TENM2: variants seen among roughly 807,000 people sequenced by gnomAD.
TENM2 encodes teneurin transmembrane protein 2.
TENM2 carries 52 observed loss-of-function variants against 245.2 expected under a neutral mutation model. That is an observed-to-expected ratio of 0.21 (90% CI 0.17 to 0.27). The LOEUF is 0.27. Among genes scored for constraint, TENM2 ranks in the 10% least tolerant of loss-of-function variants. TENM2 has a pLI of 1.00. For missense variants in TENM2, 3,046 were observed against 3,666.8 expected (o/e 0.83, Z 4.37); for synonymous variants, 1,363 against 1,438.9 (o/e 0.95, Z 1.19).
At chr5:167,053,243 T>C in the TENM2 span, among the ~76,000 whole-genome samples, 1 of 152,342 alleles carries the variant, frequency 6.6e-6, no homozygotes. Context: ...ACTTATTACA[T>C]GGAGACTTAC....
rs558268732 is a variant in TENM2 at position 167,498,274 on chromosome 5, G to A, written c.502+122801G>A. 2.0e-5 allele frequency among the ~76,000 whole-genome samples: 3 copies of A among 152,226 alleles called. No individual in the cohort carries two copies. In the South Asian group the frequency reaches 6.2e-4, roughly 32 times the overall value. Reference sequence around the variant, plus strand: ...GCCGGGAACTCTTAGAAAGAATTGGGTTTAGTGTTTCCTTTCTCTGCTCTC... The same window carrying A: ...GCCGGGAACTCTTAGAAAGAATTGGATTTAGTGTTTCCTTTCTCTGCTCTC... On this transcript the variant is annotated intron_variant, in intron 2 of 28. Coordinates refer to ENST00000518659, the Ensembl canonical transcript of TENM2.
At chr5:167,237,559 G>T in the TENM2 span, among the ~76,000 whole-genome samples, 2 of 152,088 alleles carry the variant, frequency 1.3e-5, no homozygotes, top group South Asian at 2.1e-4. Context: ...ACATTTAAAA[G>T]AATGTTCTTT....
chr5:167,598,636 A>G (rs2127722279), intron 2 of TENM2, among the ~76,000 whole-genome samples: 1 of 152,334 alleles, frequency 6.6e-6, no homozygotes, highest in East Asian at 1.9e-4. Context: ...ATGGCAATTC[A>G]GAAACCTACT....
intron 12 of TENM2, among the ~76,000 whole-genome samples, chr5:168,133,363 A>G (rs1280679260): frequency 1.3e-5 from 2 of 152,264 alleles, no homozygotes; most frequent in African/African-American, 2.4e-5. Context: ...TGCAAATGTC[A>G]TAAATGCAGC....
chr5:167,101,879 A>ATATATATATATATATATATACT, the TENM2 span, among the ~76,000 whole-genome samples: 1 of 100,500 alleles, frequency 1.0e-5, no homozygotes. Context: ...ATATATATGC[A>ATATATATATATATATATATACT]CTTATATATA....
At chr5:167,832,522 G>A (rs1244576080) in intron 2 of TENM2, among the ~76,000 whole-genome samples, 5 of 152,218 alleles carry the variant, frequency 3.3e-5, no homozygotes, top group South Asian at 4.1e-4. Flanking sequence ...CAAACTGCAC[G>A]ATGTTTATGT....
intron 2 of TENM2, among the ~76,000 whole-genome samples, chr5:167,458,147 A>G (rs1235264436): frequency 6.6e-6 from 1 of 152,176 alleles, no homozygotes; most frequent in Non-Finnish European, 1.5e-5. Flanking sequence ...TACACAATAA[A>G]TAAGAAACTA....
At chr5:167,628,006 C>T (rs141760278) in intron 2 of TENM2, among the ~76,000 whole-genome samples, 2 of 152,290 alleles carry the variant, frequency 1.3e-5, no homozygotes, top group East Asian at 1.9e-4. Flanking sequence ...AAGAACTTTA[C>T]GGTAGAACGG....
chr5:167,501,138 G>A (rs183776693), intron 2 of TENM2, among the ~76,000 whole-genome samples: 32 of 152,150 alleles, frequency 2.1e-4, no homozygotes, highest in Middle Eastern at 3.4e-3. Context: ...TCTTCCATTC[G>A]CAGATGCCTT....
chr5:167,579,129 G>A (rs1774913183), intron 2 of TENM2, among the ~76,000 whole-genome samples: 1 of 152,150 alleles, frequency 6.6e-6, no homozygotes, highest in African/African-American at 2.4e-5. Flanking sequence ...GAGATGGGGT[G>A]CTGCCCATGA....
chr5:167,548,906 T>C (rs1772748403), intron 2 of TENM2, among the ~76,000 whole-genome samples: 1 of 152,228 alleles, frequency 6.6e-6, no homozygotes, highest in South Asian at 2.1e-4. Context: ...AAATGTTCTT[T>C]GCTATTAAAA....
the TENM2 span, among the ~76,000 whole-genome samples, chr5:167,132,493 T>C: frequency 6.6e-6 from 1 of 152,030 alleles, no homozygotes; most frequent in African/African-American, 2.4e-5. Context: ...TTTGCCCTCT[T>C]CCTTCCCCCT....
chr5:167,386,970 T>C (rs1264491473), intron 2 of TENM2, among the ~76,000 whole-genome samples: 3 of 152,190 alleles, frequency 2.0e-5, no homozygotes, highest in South Asian at 2.1e-4. Context: ...TCTTTTTGTT[T>C]GGTCTTGCTT....
the TENM2 span, among the ~76,000 whole-genome samples, chr5:167,217,762 T>C: frequency 1.3e-5 from 2 of 149,684 alleles, no homozygotes; most frequent in Admixed American, 1.3e-4. Context: ...GAGACAGATA[T>C]ATATATATAA....
rs74420569 is a variant in TENM2, at chr5:168,248,442, G to A, written c.7432+71G>A. On this transcript the variant is annotated intron_variant, in intron 27 of 28. Coordinates refer to ENST00000518659, the Ensembl canonical transcript of TENM2. Reference sequence around the variant, plus strand: ...ACTTGTTGCTGTGGGGAACTTGGGAGGAAGGTCTCCCATCTTATGGTAGGA... The same window carrying A: ...ACTTGTTGCTGTGGGGAACTTGGGAAGAAGGTCTCCCATCTTATGGTAGGA... The A allele has an allele frequency of 3.7e-4, 537 of 1,465,960 alleles. 3 individuals are homozygous for A. The African/African-American group carries it at 6.6e-3, about 18-fold the overall frequency. 90.8% of individuals were successfully genotyped at this position (1,465,960 alleles called of 1,614,324 possible). A position where few individuals can be genotyped will look rare whatever the true frequency, so the allele number is the denominator to read the frequency against.
At chr5:167,130,544 C>T in the TENM2 span, among the ~76,000 whole-genome samples, 1 of 152,150 alleles carries the variant, frequency 6.6e-6, no homozygotes. Flanking sequence ...TGCAAGTCCA[C>T]GCTCTCAAGC....
At chr5:168,100,925 A>T (rs1265358827) in intron 9 of TENM2, among the ~76,000 whole-genome samples, 4 of 22,178 alleles carry the variant, frequency 1.8e-4, no homozygotes, top group Non-Finnish European at 2.8e-4. Context: ...AAGTATAATT[A>T]AAAAAAAAAA....
At chr5:168,004,511 G>A (rs557349794) in intron 5 of TENM2, among the ~76,000 whole-genome samples, 28 of 77,290 alleles carry the variant, frequency 3.6e-4, no homozygotes, top group African/African-American at 1.4e-3. Context: ...ACGCATGCGC[G>A]CGCGCGCACA....
chr5:167,051,122 A>G, the TENM2 span, among the ~76,000 whole-genome samples: 2 of 151,948 alleles, frequency 1.3e-5, no homozygotes, highest in South Asian at 2.1e-4. Flanking sequence ...GAACCTTCCT[A>G]TGAGAGACTA....
Sources: gnomAD v4.1 joint callset for allele counts (sites outside exome capture counted in the v4.1 genomes callset) on GRCh38, gnomAD v4.1.1 for gene constraint, MANE v1.5 for transcripts, NCBI Gene and HGNC (gene_info 2026-07-23, HGNC 2026-07-21) for gene names.